Variants in MYDGF observed in about 807,000 individuals in gnomAD.
MYDGF encodes the protein myeloid derived growth factor, also known as myeloid-derived growth factor.
In MYDGF, 29 loss-of-function variants were observed where a neutral mutation model predicts 24.2. That is an observed-to-expected ratio of 1.20 (90% CI 0.89 to 1.63). The LOEUF is 1.63. Ranked by LOEUF, MYDGF falls within the 40% of genes most tolerant of loss-of-function variation. MYDGF has a pLI of 0.00. For synonymous variants in MYDGF, 105 were observed against 102.5 expected, an observed-to-expected ratio of 1.02 and a Z score of -0.15; for missense variants, 245 against 234.8, an observed-to-expected ratio of 1.04 and a Z score of -0.29.
At chr19:4,664,182 G>A (rs968639832) in intron 3 of MYDGF, among the ~76,000 whole-genome samples, 3 of 152,044 alleles carry the variant, frequency 2.0e-5, no homozygotes, top group Non-Finnish European at 2.9e-5. Flanking sequence ...GAAGGAGAAT[G>A]ACTCTGATGG....
intron 2 of MYDGF, among the ~76,000 whole-genome samples, chr19:4,666,044 A>C (rs879687310): frequency 6.7e-6 from 1 of 149,700 alleles, no homozygotes; most frequent in Non-Finnish European, 1.5e-5. Flanking sequence ...CAGGCTGGGC[A>C]TGGTGGCTCA....
At chr19:4,659,369 G>A (rs948939878) in intron 5 of MYDGF, among the ~76,000 whole-genome samples, 1 of 151,948 alleles carries the variant, frequency 6.6e-6, no homozygotes, top group Non-Finnish European at 1.5e-5. Flanking sequence ...GATTACAGGT[G>A]CGCACCACCA....
intron 1 of MYDGF, among the ~76,000 whole-genome samples, chr19:4,669,803 G>A (rs1393753112): frequency 2.0e-5 from 3 of 152,050 alleles, no homozygotes; most frequent in Non-Finnish European, 4.4e-5. Flanking sequence ...GGCCCAGGAG[G>A]GCAGATGCCC....
chr19:4,662,963 A>G (rs2088481723), intron 3 of MYDGF, among the ~76,000 whole-genome samples: 1 of 151,568 alleles, frequency 6.6e-6, no homozygotes, highest in Non-Finnish European at 1.5e-5. Flanking sequence ...CACAGCCTCC[A>G]ATCTGTGCCC....
In MYDGF at chr19:4,657,860, C is replaced by A. The variant is rs2088434586; in HGVS notation, c.*145G>T. 1.4e-6 allele frequency: 1 copy of A among 713,494 alleles called. No individual in the cohort carries two copies. The highest frequency in any genetic ancestry group is 2.2e-6 in the Non-Finnish European group (1 of 447,840). 44.2% of individuals were successfully genotyped at this position (713,494 alleles called of 1,614,324 possible). A position where few individuals can be genotyped will look rare whatever the true frequency, so the allele number is the denominator to read the frequency against. ...CCCAGGGCTTCAGCCACCCTGCAAGCCCCTCCGGACAAGGCAACGTCAGCC... is the reference window on the plus strand; with the variant it reads ...CCCAGGGCTTCAGCCACCCTGCAAGACCCTCCGGACAAGGCAACGTCAGCC... On this transcript the variant is annotated 3_prime_UTR_variant, in exon 6 of 6. Coordinates refer to ENST00000262947, the MANE Select transcript of MYDGF (RefSeq NM_019107.4).
Position 4,663,094 on chromosome 19 carries a change from C to G in MYDGF, c.287+1782G>C, listed in dbSNP as rs1214474917. Among the ~76,000 whole-genome samples, 2 of 150,648 alleles carry G rather than the reference C, an allele frequency of 1.3e-5. 1 individual carries two copies. Among genetic ancestry groups the G allele is most frequent in the Non-Finnish European group, 3.0e-5 (2 of 67,546 alleles). On this transcript the variant is annotated intron_variant, in intron 3 of 5. Transcript: ENST00000262947. The stretch of plus-strand genomic sequence containing the variant: ...CCCCACTCCATCCTCATTCTACAGC[C>G]TCCGATCTACATTCCCCACCCACCT...
chr19:4,664,549 G>A (rs535528730), intron 3 of MYDGF, among the ~76,000 whole-genome samples: 2 of 152,014 alleles, frequency 1.3e-5, no homozygotes, highest in South Asian at 2.1e-4. Context: ...CACCCTTAGG[G>A]GAGGGTGGAG....
At chr19:4,666,989 C>T (rs965042100) in intron 2 of MYDGF, among the ~76,000 whole-genome samples, 29 of 152,158 alleles carry the variant, frequency 1.9e-4, no homozygotes, top group Admixed American at 3.3e-4. Flanking sequence ...CTCTTGGTTG[C>T]GGGACTGAAG....
At chr19:4,663,729 A>C (rs1417178115) in intron 3 of MYDGF, among the ~76,000 whole-genome samples, 28 of 13,884 alleles carry the variant, frequency 2.0e-3, no homozygotes, top group African/African-American at 2.7e-3. Context: ...TGCTCTCCCC[A>C]CCCACCCCAT....
Position 4,662,225 on chromosome 19 carries a change from C to T in MYDGF, c.288-1475G>A, listed in dbSNP as rs148596519. Among the ~76,000 whole-genome samples the T allele has an allele frequency of 8.5e-5, 13 of 152,310 alleles. No individual in the cohort carries two copies. In the East Asian group the frequency reaches 1.5e-3, roughly 18 times the overall value. On this transcript the variant is annotated intron_variant, in intron 3 of 5. Transcript: ENST00000262947. ...CACACCCTGTCCTTCAGTTAAACGT[C>T]GCCACTCCCTGATCTCTGCCTCCCA...
chr19:4,666,277 CTTT>C (rs556392738), intron 2 of MYDGF, among the ~76,000 whole-genome samples: 6 of 141,500 alleles, frequency 4.2e-5, no homozygotes, highest in Non-Finnish European at 6.2e-5. Context: ...TACAGTTTTA[CTTT>C]TTTTTTTTTT....
chr19:4,669,409 C>A (rs1341413205), intron 1 of MYDGF, among the ~76,000 whole-genome samples: 1 of 152,144 alleles, frequency 6.6e-6, no homozygotes, highest in African/African-American at 2.4e-5. Flanking sequence ...CAAGATCGCG[C>A]CACTGCACTC....
chr19:4,660,802 T>C (rs761642096), intron 3 of MYDGF, 52 bp from the exon 4 acceptor site: 2 of 1,531,354 alleles, frequency 1.3e-6, no homozygotes, highest in South Asian at 1.1e-5. Flanking sequence ...TGGGTCTGGG[T>C]CTGTGTGCCC....
chr19:4,669,829 C>T (rs117044495), intron 1 of MYDGF, among the ~76,000 whole-genome samples: 3,339 of 152,252 alleles, frequency 0.022, 59 homozygotes, highest in Non-Finnish European at 0.036. Flanking sequence ...CCTCCTGCCG[C>T]TCCCATCACT....
intron 5 of MYDGF, among the ~76,000 whole-genome samples, chr19:4,659,125 G>A (rs1248309801): frequency 6.6e-6 from 1 of 151,978 alleles, no homozygotes; most frequent in Non-Finnish European, 1.5e-5. Context: ...GCCCAGGCTG[G>A]AGTGCAGTGG....
At chr19:4,667,880 T>C (rs1280138938) in intron 2 of MYDGF, among the ~76,000 whole-genome samples, 1 of 152,038 alleles carries the variant, frequency 6.6e-6, no homozygotes, top group Non-Finnish European at 1.5e-5. Flanking sequence ...TTATTTTCTG[T>C]AGAGATGGGG....
At position 4,660,641 on chromosome 19, in the gene MYDGF, G is replaced by A. The variant is rs373301282; in HGVS notation, c.369+28C>T. ...GCCCCAGTGCACAGAAGCCACACCC[G>A]GAGCCTGCCCCACTCCAAGATACTC... On this transcript the variant is annotated intron_variant, in intron 4 of 5. Coordinates refer to ENST00000262947, the MANE Select transcript of MYDGF (RefSeq NM_019107.4). 76 of 1,602,548 alleles carry A rather than the reference G, an allele frequency of 4.7e-5. No individual in the cohort carries two copies. In the Admixed American group the frequency reaches 5.3e-4, roughly 11 times the overall value.
chr19:4,660,539 C>A, intron 4 of MYDGF, 130 bp downstream of exon 4: 2 of 856,030 alleles, frequency 2.3e-6, no homozygotes, highest in East Asian at 2.6e-5. Flanking sequence ...AGTTACACAC[C>A]CTACCTCTGC....
Position 4,658,040 on chromosome 19 carries a change from C to G in MYDGF, c.487G>C (p.Val163Leu), listed in dbSNP as rs530172243. Residue 163 changes from valine to leucine, a missense_variant, in exon 6 of 6, where the codon GTG becomes CTG. Physicochemically the swap from Val to Leu is conservative, Grantham distance 32. Coordinates refer to ENST00000262947, the MANE Select transcript of MYDGF (RefSeq NM_019107.4). ...GTGCGCGATGCCTTGGCCACAATCA[C>G]CAGCTTGGACAGCTCAGCTTTGAAT... ...GAFKAELSKL[V>L]IVAKASRTEL 2 of 1,611,934 alleles carry G rather than the reference C, an allele frequency of 1.2e-6. No individual in the cohort carries two copies. The highest frequency in any genetic ancestry group is 1.7e-6 in the Non-Finnish European group (2 of 1,179,458).
Sources: gnomAD v4.1 joint callset for allele counts (sites outside exome capture counted in the v4.1 genomes callset) on GRCh38, gnomAD v4.1.1 for gene constraint, MANE v1.5 for transcripts, NCBI Gene and HGNC (gene_info 2026-07-23, HGNC 2026-07-21) for gene names.